The following CNTN4 variants were observed in gnomAD, a reference collection of about 807,000 sequenced individuals.
CNTN4 encodes the protein contactin-4.
A neutral mutation model predicts 122.5 loss-of-function variants in CNTN4; 77 were observed. That is an observed-to-expected ratio of 0.63 (90% CI 0.52 to 0.76). The LOEUF (loss-of-function observed/expected upper bound fraction) is 0.76. Among genes scored for constraint, CNTN4 ranks in the 30% least tolerant of loss-of-function variants. CNTN4 has a pLI of 0.00. For missense variants in CNTN4, 1,256 were observed against 1,259.1 expected, an observed-to-expected ratio of 1.00 and a Z score of 0.04; for synonymous variants, 512 against 447.0, an observed-to-expected ratio of 1.15 and a Z score of -1.83.
chr3:2,955,172 C>T (rs916035257), intron 13 of CNTN4, among the ~76,000 whole-genome samples: 1 of 152,138 alleles, frequency 6.6e-6, no homozygotes, highest in Non-Finnish European at 1.5e-5. Context: ...CAGCCAGGTG[C>T]TCACCAAAAT....
intron 3 of CNTN4, among the ~76,000 whole-genome samples, chr3:2,371,571 G>A (rs1357609100): frequency 2.0e-5 from 3 of 152,170 alleles, no homozygotes; most frequent in Admixed American, 6.5e-5. Flanking sequence ...TTTGTACATA[G>A]TAGGTTCTCA....
chr3:2,302,220 G>C (rs2042551540), intron 2 of CNTN4, among the ~76,000 whole-genome samples: 2 of 152,134 alleles, frequency 1.3e-5, no homozygotes, highest in South Asian at 4.1e-4. Context: ...CATGAGGTCA[G>C]GAATTTGAGA....
intron 2 of CNTN4, among the ~76,000 whole-genome samples, chr3:2,192,536 A>T (rs2037627023): frequency 6.6e-6 from 1 of 152,206 alleles, no homozygotes; most frequent in Non-Finnish European, 1.5e-5. Context: ...CAATCTACTC[A>T]TCTGACAAAG....
chr3:2,499,467 G>A (rs547064234), intron 3 of CNTN4, among the ~76,000 whole-genome samples: 193 of 152,246 alleles, frequency 1.3e-3, no homozygotes, highest in Non-Finnish European at 1.8e-3. Context: ...TTACTAAATT[G>A]TATATCTAAA....
At chr3:2,250,875 ACTGATTTTG>A (rs2040350025) in intron 2 of CNTN4, among the ~76,000 whole-genome samples, 1 of 151,886 alleles carries the variant, frequency 6.6e-6, no homozygotes, top group African/African-American at 2.4e-5. Flanking sequence ...AGAGCCTTTT[ACTGATTTTG>A]CTCTAGTTCT....
chr3:2,445,927 T>C (rs768215119), intron 3 of CNTN4, among the ~76,000 whole-genome samples: 38 of 152,158 alleles, frequency 2.5e-4, no homozygotes, highest in Non-Finnish European at 5.0e-4. Flanking sequence ...TTGTCTAGGT[T>C]GTATGATTCT....
chr3:2,448,153 G>A (rs1036003430), intron 3 of CNTN4, among the ~76,000 whole-genome samples: 1 of 152,134 alleles, frequency 6.6e-6, no homozygotes, highest in African/African-American at 2.4e-5. Flanking sequence ...ATGATGAGGT[G>A]AGCGTAGCCA....
At chr3:2,235,048 T>C (rs1286091811) in intron 2 of CNTN4, among the ~76,000 whole-genome samples, 1 of 152,188 alleles carries the variant, frequency 6.6e-6, no homozygotes, top group African/African-American at 2.4e-5. Context: ...GTTGTATAGA[T>C]AACATCTGCT....
At chr3:2,362,423 G>C (rs1235752621) in intron 3 of CNTN4, 1 of 367,350 alleles carries the variant, frequency 2.7e-6, no homozygotes, top group Non-Finnish European at 5.3e-6. Context: ...ACCATCTTCT[G>C]TGGGATCCTG....
At chr3:2,160,902 G>A (rs924381507) in intron 2 of CNTN4, among the ~76,000 whole-genome samples, 1 of 152,042 alleles carries the variant, frequency 6.6e-6, no homozygotes, top group Non-Finnish European at 1.5e-5. Context: ...AGGATACAGG[G>A]TGAACAAGAA....
At chr3:2,324,117 T>TA in intron 2 of CNTN4, among the ~76,000 whole-genome samples, 1 of 152,216 alleles carries the variant, frequency 6.6e-6, no homozygotes, top group Middle Eastern at 3.4e-3. Context: ...CCATGGCAAT[T>TA]AAAAATGTCT....
At chr3:2,134,523 T>A (rs1440829889) in intron 2 of CNTN4, among the ~76,000 whole-genome samples, 2 of 152,188 alleles carry the variant, frequency 1.3e-5, no homozygotes, top group African/African-American at 2.4e-5. Context: ...TTTCTCGGGT[T>A]TCTAAGAAAG....
chr3:2,620,652 C>G (rs2081956715), intron 4 of CNTN4, among the ~76,000 whole-genome samples: 1 of 152,150 alleles, frequency 6.6e-6, no homozygotes, highest in Admixed American at 6.5e-5. Flanking sequence ...TTAATGCTTT[C>G]TAATTGCTTG....
intron 14 of CNTN4, among the ~76,000 whole-genome samples, chr3:3,021,741 G>T (rs1470859646): frequency 7.2e-5 from 11 of 152,150 alleles, no homozygotes; most frequent in Non-Finnish European, 1.3e-4. Flanking sequence ...ACATTGAAAT[G>T]GAATTCGTAT....
intron 6 of CNTN4, among the ~76,000 whole-genome samples, chr3:2,809,143 C>T (rs886509202): frequency 2.1e-4 from 32 of 152,138 alleles, no homozygotes; most frequent in African/African-American, 4.6e-4. Flanking sequence ...AAATGAGAAC[C>T]GTAGTTGCAG....
At chr3:2,328,110 G>A (rs777474197) in intron 2 of CNTN4, among the ~76,000 whole-genome samples, 3 of 152,068 alleles carry the variant, frequency 2.0e-5, no homozygotes, top group African/African-American at 4.8e-5. Flanking sequence ...ACTTCTGCAC[G>A]GCTGTCCATT....
intron 4 of CNTN4, among the ~76,000 whole-genome samples, chr3:2,683,742 C>A (rs1244510382): frequency 6.6e-6 from 1 of 152,108 alleles, no homozygotes; most frequent in Non-Finnish European, 1.5e-5. Flanking sequence ...TATAAGAAAT[C>A]TAAGACTTGC....
intron 12 of CNTN4, among the ~76,000 whole-genome samples, chr3:2,922,023 A>G (rs1025781719): frequency 2.0e-5 from 3 of 152,196 alleles, no homozygotes; most frequent in Admixed American, 1.3e-4. Flanking sequence ...GACCCATAAT[A>G]CAGTTCATTC....
chr3:2,617,079 G>A (rs1039096877), intron 4 of CNTN4, among the ~76,000 whole-genome samples: 1 of 152,116 alleles, frequency 6.6e-6, no homozygotes, highest in African/African-American at 2.4e-5. Context: ...ACACGGGCAC[G>A]GGCAAAGACT....
Sources: allele counts gnomAD v4.1 joint callset (sites outside exome capture counted in the v4.1 genomes callset), GRCh38; gene constraint gnomAD v4.1.1; transcripts MANE v1.5; gene names NCBI Gene and HGNC (gene_info 2026-07-23, HGNC 2026-07-21).